C6: variants seen among roughly 807,000 people sequenced by gnomAD.
C6 encodes complement C6.
In C6, 101 loss-of-function variants were observed where a neutral mutation model predicts 112.9. That is an observed-to-expected ratio of 0.89 (90% CI 0.76 to 1.06). C6 has a LOEUF of 1.06. Among genes scored for constraint, C6 ranks in the 50% least tolerant of loss-of-function variants. The pLI, the probability that C6 is intolerant of heterozygous loss-of-function variation, is 0.00. For missense variants in C6, 1,202 were observed against 1,104.6 expected, an observed-to-expected ratio of 1.09 and a Z score of -1.25; for synonymous variants, 431 against 384.1, an observed-to-expected ratio of 1.12 and a Z score of -1.43.
Position 41,229,085 on chromosome 5 carries a change from A to T in C6, c.-20-25835T>A, listed in dbSNP as rs186359355. ...AGCCAAGATAGTGCCACTGCACTCC[A>T]GCTTGGGCGACAGAGCACGACTCCA... is the stretch of plus-strand genomic sequence containing the variant. On this transcript the variant is annotated intron_variant, in intron 1 of 17. Coordinates refer to the C6 transcript ENST00000263413. Among the ~76,000 whole-genome samples the T allele has an allele frequency of 1.7e-3, 260 of 152,294 alleles. 1 individual carries two copies. The highest frequency in any genetic ancestry group is 6.4e-3 in the South Asian group (31 of 4,822).
chr5:41,181,291 T>C (rs1199008137), intron 7 of C6, 68 bp downstream of exon 7: 2 of 1,389,560 alleles, frequency 1.4e-6, no homozygotes, highest in Non-Finnish European at 2.0e-6. Context: ...CCCCTTCTTA[T>C]TGCATGATTA....
chr5:41,234,541 T>C (rs10512781), intron 1 of C6, among the ~76,000 whole-genome samples: 54,552 of 151,874 alleles, frequency 0.36, 11,266 homozygotes, highest in Non-Finnish European at 0.47. Context: ...GTGATTGAAT[T>C]AGCACTGAGT....
chr5:41,176,764 G>T (rs1255518181), intron 7 of C6, 49 bp from the exon 8 acceptor site: 16 of 1,515,174 alleles, frequency 1.1e-5, no homozygotes, highest in Non-Finnish European at 1.5e-5. Flanking sequence ...ATGAAAGTTT[G>T]AAGTACCTAG....
intron 9 of C6, among the ~76,000 whole-genome samples, chr5:41,171,038 G>A (rs1427639717): frequency 6.6e-6 from 1 of 152,134 alleles, no homozygotes; most frequent in Non-Finnish European, 1.5e-5. Flanking sequence ...AAAATGTGTA[G>A]AGTAGACTGG....
intron 6 of C6, 67 bp from the exon 7 acceptor site, chr5:41,181,626 A>G (rs1749360421): frequency 8.1e-7 from 1 of 1,240,628 alleles, no homozygotes; most frequent in Non-Finnish European, 1.2e-6. Context: ...TGGATATCTA[A>G]TGAAATGATG....
intron 1 of C6, among the ~76,000 whole-genome samples, chr5:41,236,911 C>T (rs1472883113): frequency 6.7e-6 from 1 of 148,756 alleles, no homozygotes; most frequent in Middle Eastern, 3.4e-3. Flanking sequence ...ACCAATCCCA[C>T]AGAAATACAA....
At chr5:41,152,665 C>G (rs960288549) in intron 15 of C6, 1 of 152,142 alleles carries the variant, frequency 6.6e-6, no homozygotes, top group African/African-American at 2.4e-5. Context: ...AAACTTGGCC[C>G]GGAACTCTCC....
At chr5:41,198,184 C>G (rs1750750017) in intron 4 of C6, among the ~76,000 whole-genome samples, 2 of 152,064 alleles carry the variant, frequency 1.3e-5, no homozygotes, top group South Asian at 2.1e-4. Context: ...TTGGGAGACT[C>G]TGAACATCAG....
intron 1 of C6, among the ~76,000 whole-genome samples, chr5:41,242,611 A>G (rs1007981903): frequency 1.7e-4 from 26 of 152,318 alleles, no homozygotes; most frequent in South Asian, 4.1e-4. Flanking sequence ...TTCTTAATTA[A>G]GAAATTGTTT....
At chr5:41,181,640 T>G in intron 6 of C6, 81 bp from the exon 7 acceptor site, 1 of 1,144,172 alleles carries the variant, frequency 8.7e-7, no homozygotes, top group Non-Finnish European at 1.3e-6. Flanking sequence ...AATGATGATT[T>G]ATTTATTTAT....
At position 41,201,565 on chromosome 5, in the gene C6, T is replaced by C. The variant is rs121917779; in HGVS notation, c.293A>G (p.Glu98Gly). The change falls in exon 3 of 18, where the codon GAA (glutamate) becomes GGA (glycine). Residue 98 changes from glutamate (E) to glycine (G), a missense_variant. Glu to Gly is a moderately conservative substitution (Grantham distance 98). Transcript: ENST00000337836. The stretch of plus-strand genomic sequence containing the variant: ...ATGCCCATGGTTGCCTACCTGTTTT[T>C]CAATACAAGGGTCACAGTCTGACCA... ...GPWSDCDPCI[E>G]KQSKVRSVLR... The C allele has an allele frequency of 6.2e-7, 1 of 1,613,672 alleles. No individual in the cohort carries two copies. The highest frequency in any genetic ancestry group is 8.5e-7 in the Non-Finnish European group (1 of 1,179,842).
intron 1 of C6, among the ~76,000 whole-genome samples, chr5:41,236,183 T>G (rs1213927096): frequency 1.9e-5 from 2 of 103,858 alleles, no homozygotes; most frequent in Middle Eastern, 4.3e-3. Context: ...AATGCCTAGG[T>G]TTTCTTCTAG....
intron 1 of C6, among the ~76,000 whole-genome samples, chr5:41,243,599 T>C (rs1740858101): frequency 6.6e-6 from 1 of 152,180 alleles, no homozygotes; most frequent in South Asian, 2.1e-4. Flanking sequence ...ACATGACTGT[T>C]ATTACTTAGT....
intron 1 of C6, among the ~76,000 whole-genome samples, chr5:41,227,386 T>G (rs538968799): frequency 3.3e-5 from 5 of 152,274 alleles, no homozygotes; most frequent in South Asian, 4.1e-4. Flanking sequence ...TGAAAATACT[T>G]TCTCCTATTC....
chr5:41,172,662 C>T (rs957177453), intron 8 of C6: 4 of 433,470 alleles, frequency 9.2e-6, no homozygotes, highest in South Asian at 4.3e-5. Context: ...TGTTGCCTGC[C>T]ACTTGTTGCC....
intron 13 of C6, among the ~76,000 whole-genome samples, chr5:41,155,502 A>AT (rs1746812458): frequency 6.6e-6 from 1 of 152,136 alleles, no homozygotes; most frequent in Non-Finnish European, 1.5e-5. Context: ...AGCTGGGGCA[A>AT]TATGGCAAAA....
intron 5 of C6, among the ~76,000 whole-genome samples, chr5:41,190,568 C>G (rs935343032): frequency 1.3e-5 from 2 of 152,124 alleles, no homozygotes; most frequent in Non-Finnish European, 2.9e-5. Context: ...GTTGTCTTTT[C>G]ACTCTGTTAC....
intron 15 of C6, among the ~76,000 whole-genome samples, chr5:41,150,286 G>A (rs1005142451): frequency 2.6e-5 from 4 of 152,096 alleles, no homozygotes; most frequent in African/African-American, 9.7e-5. Context: ...TGAAATTTTT[G>A]TTCATTTGTT....
rs6880205 is a variant in C6, at chr5:41,170,121, T to A, written c.1291+2104A>T. Among the ~76,000 whole-genome samples the A allele has an allele frequency of 8.3e-3, 1,264 of 152,216 alleles. 18 individuals are homozygous for A. The highest frequency in any genetic ancestry group is 0.028 in the African/African-American group (1,143 of 41,552). On this transcript the variant is annotated intron_variant, in intron 9 of 17. Coordinates refer to ENST00000337836, the MANE Select transcript of C6 (RefSeq NM_000065.5). The stretch of plus-strand genomic sequence containing the variant: ...AGACATATTCTTATATAACATTTTT[T>A]AAAAATACAGTTTTTCTATTTCATT...
Sources: gnomAD v4.1 joint callset for allele counts (sites outside exome capture counted in the v4.1 genomes callset) on GRCh38, gnomAD v4.1.1 for gene constraint, MANE v1.5 for transcripts, NCBI Gene and HGNC (gene_info 2026-07-23, HGNC 2026-07-21) for gene names.